Variants in TEAD4 observed in about 807,000 individuals in gnomAD.
The protein encoded by TEAD4 is TEA domain transcription factor 4.
Under a neutral mutation model 52.4 loss-of-function variants are expected in TEAD4, and 36 were observed. The observed-to-expected ratio is 0.69, with a 90% CI of 0.53 to 0.91. The LOEUF is 0.91. TEAD4 is among the 40% of genes least tolerant of loss of function. The probability of loss-of-function intolerance (pLI) is 0.00; values close to 1 mark genes in which losing one functional copy is unlikely to be tolerated. For missense variants in TEAD4, 508 were observed against 583.9 expected (o/e 0.87, Z 1.34); for synonymous variants, 220 against 231.0 (o/e 0.95, Z 0.43).
At chr12:3,005,317 A>G (rs528768722) in intron 3 of TEAD4, among the ~76,000 whole-genome samples, 1 of 139,608 alleles carries the variant, frequency 7.2e-6, no homozygotes, top group African/African-American at 2.9e-5. Flanking sequence ...TGTTTTAGAC[A>G]AGGTCTTACT....
chr12:2,988,547 A>C (rs926328295), intron 2 of TEAD4, among the ~76,000 whole-genome samples: 6 of 151,900 alleles, frequency 3.9e-5, no homozygotes, highest in Non-Finnish European at 7.4e-5. Flanking sequence ...GACTTCATTC[A>C]GTGTCCTGCC....
chr12:2,985,363 T>C (rs935438643), intron 2 of TEAD4, among the ~76,000 whole-genome samples: 48 of 151,648 alleles, frequency 3.2e-4, no homozygotes, highest in Admixed American at 3.9e-4. Context: ...CCAGCCTGGG[T>C]GACAGAGCAA....
At chr12:3,012,608 G>T (rs896369984) in intron 5 of TEAD4, among the ~76,000 whole-genome samples, 13 of 152,306 alleles carry the variant, frequency 8.5e-5, no homozygotes, top group African/African-American at 3.1e-4. Flanking sequence ...CCTGCTGTGG[G>T]GGTGGGGGTG....
chr12:3,000,858 T>C (rs1294140738), intron 3 of TEAD4, among the ~76,000 whole-genome samples: 1 of 152,176 alleles, frequency 6.6e-6, no homozygotes, highest in Non-Finnish European at 1.5e-5. Context: ...AGACTCAGCC[T>C]GAGTTTGGGA....
intron 4 of TEAD4, 79 bp downstream of exon 4, chr12:3,011,147 C>A: frequency 6.6e-7 from 1 of 1,508,478 alleles, no homozygotes; most frequent in Non-Finnish European, 9.2e-7. Flanking sequence ...CCAGGCCCTC[C>A]CAGGACCAGA....
intron 2 of TEAD4, among the ~76,000 whole-genome samples, chr12:2,987,880 C>A (rs960221194): frequency 5.3e-5 from 8 of 151,398 alleles, no homozygotes; most frequent in Non-Finnish European, 1.0e-4. Flanking sequence ...GCCTGGCCAA[C>A]ATGGTGAAAC....
chr12:2,992,005 G>A (rs1419377115), intron 2 of TEAD4, among the ~76,000 whole-genome samples: 4 of 144,698 alleles, frequency 2.8e-5, no homozygotes, highest in Non-Finnish European at 5.9e-5. Context: ...GGTTGGGGGG[G>A]GCGGTTCCTG....
At chr12:3,005,027 G>A (rs1230347454) in intron 3 of TEAD4, among the ~76,000 whole-genome samples, 1 of 152,216 alleles carries the variant, frequency 6.6e-6, no homozygotes. Context: ...AGGGAGAGGA[G>A]GAGGAAGCTC....
rs201187763 is a variant in TEAD4 at position 2,986,101 on chromosome 12, T to TA, written c.-29-8628dup. Among the ~76,000 whole-genome samples the TA allele has an allele frequency of 2.9e-3, 431 of 150,770 alleles. 1 individual carries two copies. Among genetic ancestry groups the TA allele is most frequent in the African/African-American group, 8.2e-3 (338 of 41,124 alleles). On this transcript the variant is annotated intron_variant, in intron 2 of 12. Transcript: ENST00000359864. ...TACTCCATCTCAAAAAAATAAAAAC[T>TA]AAAAAAAAATAATAAAAACAGAGAC...
chr12:3,003,458 G>A (rs1256112576), intron 3 of TEAD4, among the ~76,000 whole-genome samples: 1 of 152,182 alleles, frequency 6.6e-6, no homozygotes, highest in South Asian at 2.1e-4. Flanking sequence ...GCCCAGGCAG[G>A]ATTTTGCAGC....
rs896730537 is a variant in TEAD4, at chr12:2,962,210, C to T, written c.-30+2170C>T. ...CATGATCTTGGCTCACTGCAACCTC[C>T]GCCTCCTGGGTTCAAGCGATTCTCC... On this transcript the variant is annotated intron_variant, in intron 2 of 12. Transcript: ENST00000359864. 5.4e-5 allele frequency among the ~76,000 whole-genome samples: 8 copies of T among 147,788 alleles called. No individual in the cohort carries two copies. The South Asian group carries it at 6.3e-4, about 12-fold the overall frequency.
intron 3 of TEAD4, among the ~76,000 whole-genome samples, chr12:2,999,980 G>A (rs1197083365): frequency 6.6e-6 from 1 of 151,974 alleles, no homozygotes; most frequent in Non-Finnish European, 1.5e-5. Flanking sequence ...TCTTTTCCCT[G>A]CCTCTCTCTC....
At chr12:2,984,065 C>T (rs1167718575) in intron 2 of TEAD4, among the ~76,000 whole-genome samples, 3 of 152,122 alleles carry the variant, frequency 2.0e-5, no homozygotes, top group African/African-American at 7.2e-5. Context: ...GGTAGCAGCA[C>T]CTCCACCAGG....
At chr12:2,981,314 C>G (rs527718780) in intron 2 of TEAD4, among the ~76,000 whole-genome samples, 31 of 152,382 alleles carry the variant, frequency 2.0e-4, no homozygotes, top group African/African-American at 7.2e-4. Context: ...TTCTTTCCCG[C>G]CCAGGTCCCC....
At chr12:2,971,211 T>C (rs2098224699) in intron 2 of TEAD4, among the ~76,000 whole-genome samples, 1 of 152,040 alleles carries the variant, frequency 6.6e-6, no homozygotes, top group Admixed American at 6.6e-5. Flanking sequence ...ACAAGCAGGG[T>C]CTGTGGCAGT....
intron 3 of TEAD4, among the ~76,000 whole-genome samples, chr12:2,995,433 G>C: frequency 6.6e-6 from 1 of 152,164 alleles, no homozygotes; most frequent in East Asian, 1.9e-4. Flanking sequence ...GACGGGTCTA[G>C]TCCCAGCCTG....
At chr12:2,980,603 C>A (rs1438887213) in intron 2 of TEAD4, among the ~76,000 whole-genome samples, 1 of 152,012 alleles carries the variant, frequency 6.6e-6, no homozygotes, top group Non-Finnish European at 1.5e-5. Flanking sequence ...CATGGTGGTG[C>A]ACGCCTGTAA....
chr12:2,988,607 A>T (rs1360618258), intron 2 of TEAD4, among the ~76,000 whole-genome samples: 2 of 151,828 alleles, frequency 1.3e-5, no homozygotes, highest in Non-Finnish European at 2.9e-5. Flanking sequence ...GTCTTTTTGT[A>T]TGCTAATGAG....
At chr12:3,015,233 C>T (rs1201052904) in intron 5 of TEAD4, among the ~76,000 whole-genome samples, 1 of 152,050 alleles carries the variant, frequency 6.6e-6, no homozygotes, top group Non-Finnish European at 1.5e-5. Context: ...TGCGTCTCCC[C>T]CGACCCCTTG....
Sources: gnomAD v4.1 joint callset for allele counts (sites outside exome capture counted in the v4.1 genomes callset) on GRCh38, gnomAD v4.1.1 for gene constraint, MANE v1.5 for transcripts, NCBI Gene and HGNC (gene_info 2026-07-23, HGNC 2026-07-21) for gene names.